Variants in NID1 observed in about 807,000 individuals in gnomAD.
The protein encoded by NID1 is nidogen 1, also known as nidogen-1.
Under a neutral mutation model 130.6 loss-of-function variants are expected in NID1, and 76 were observed. That is an observed-to-expected ratio of 0.58 (90% CI 0.48 to 0.70). The LOEUF (loss-of-function observed/expected upper bound fraction) is 0.70, where lower values mean the gene tolerates loss of function less well. NID1 is among the 30% of genes least tolerant of loss of function. The pLI is 0.00. For missense variants in NID1, 1,517 were observed against 1,664.8 expected, an observed-to-expected ratio of 0.91 and a Z score of 1.54; for synonymous variants, 665 against 675.1, an observed-to-expected ratio of 0.98 and a Z score of 0.23.
chr1:236,028,931 C>G (rs1277215203), intron 7 of NID1, among the ~76,000 whole-genome samples: 1 of 152,106 alleles, frequency 6.6e-6, no homozygotes, highest in Non-Finnish European at 1.5e-5. Flanking sequence ...AATCCCAGCA[C>G]TTAGGGAGGC....
At chr1:236,049,873 A>G (rs566382548) in intron 1 of NID1, among the ~76,000 whole-genome samples, 205 of 151,726 alleles carry the variant, frequency 1.4e-3, no homozygotes, top group African/African-American at 4.9e-3. Flanking sequence ...CACCATCTCT[A>G]CTAAAAATTC....
chr1:236,038,132 C>T lies in NID1; in HGVS notation c.1257G>A (p.Thr419=), dbSNP rs372840795. Residue 419 remains threonine (T), a synonymous_variant, in exon 5 of 20, where the codon ACG becomes ACA. Transcript: ENST00000264187. The part of the protein sequence containing the change: ...GFCCSCVAGY[T]GNGRQCVAEG... Reference sequence around the variant, plus strand: ...CTGCAACACATTGCCTGCCATTGCCCGTATAGCCAGCGACACAGCTGCAGC... The same window carrying T: ...CTGCAACACATTGCCTGCCATTGCCTGTATAGCCAGCGACACAGCTGCAGC... 1.1e-5 allele frequency: 17 copies of T among 1,606,174 alleles called. No homozygotes were observed. The East Asian group carries it at 1.3e-4, about 13-fold the overall frequency.
At chr1:236,007,252 T>C (rs886119703) in intron 12 of NID1, among the ~76,000 whole-genome samples, 3 of 152,206 alleles carry the variant, frequency 2.0e-5, no homozygotes, top group Admixed American at 6.5e-5. Context: ...CAGGGTGTTC[T>C]TAAACTCCTG....
In NID1 at chr1:235,979,496, C is replaced by T. The variant is rs552739420; in HGVS notation, c.3509+326G>A. On this transcript the variant is annotated intron_variant, in intron 18 of 19. Coordinates refer to ENST00000264187, the MANE Select transcript of NID1 (RefSeq NM_002508.3). The surrounding 1 kb of genome is among the most constrained non-coding windows in gnomAD (Gnocchi z 4.6). ...GACATGAAGTGGACATGGAGCCCAC[C>T]GGCCACGTGACCCTGGGCCAACTCC... 2.6e-4 allele frequency among the ~76,000 whole-genome samples: 40 copies of T among 152,278 alleles called. No homozygotes were observed. Among genetic ancestry groups the T allele is most frequent in the African/African-American group, 8.4e-4 (35 of 41,564 alleles).
rs1307701187 is a variant in NID1 at position 236,048,073 on chromosome 1, C to A, written c.525+617G>T. Reference sequence around the variant, plus strand: ...AAAAGGCCGGGCATGGTGGCTCACGCCTGTAATCCCAGCACTTTGGGAGGC... The same window carrying A: ...AAAAGGCCGGGCATGGTGGCTCACGACTGTAATCCCAGCACTTTGGGAGGC... On this transcript the variant is annotated intron_variant, in intron 2 of 19. Coordinates refer to ENST00000264187, the MANE Select transcript of NID1 (RefSeq NM_002508.3). Among the ~76,000 whole-genome samples the A allele has an allele frequency of 2.1e-5, 3 of 140,036 alleles. No homozygotes were observed. The Admixed American group carries it at 2.2e-4, about 10-fold the overall frequency. The allele number at this position is 140,036 out of a possible 152,430, so 91.9% of individuals were successfully genotyped here.
chr1:236,001,358 G>A (rs898972525), intron 12 of NID1, among the ~76,000 whole-genome samples: 6 of 152,076 alleles, frequency 3.9e-5, no homozygotes, highest in Non-Finnish European at 7.4e-5. Context: ...ACCCGCCTCG[G>A]CCTCCCAAAG....
At chr1:236,059,650 G>C (rs1257529520) in intron 1 of NID1, among the ~76,000 whole-genome samples, 2 of 152,122 alleles carry the variant, frequency 1.3e-5, no homozygotes, top group South Asian at 2.1e-4. Flanking sequence ...AATAGAAATA[G>C]AAACAAAAGG....
At chr1:236,026,668 C>G (rs938054959) in intron 7 of NID1, among the ~76,000 whole-genome samples, 8 of 152,102 alleles carry the variant, frequency 5.3e-5, no homozygotes, top group Non-Finnish European at 1.2e-4. Context: ...AGCATTTACT[C>G]TGTCACAACG....
intron 9 of NID1, among the ~76,000 whole-genome samples, chr1:236,020,558 G>A (rs527254790): frequency 6.6e-6 from 1 of 152,266 alleles, no homozygotes; most frequent in East Asian, 1.9e-4. Context: ...CCAAATTACT[G>A]TGGAGAGTCA....
At chr1:236,039,900 G>A (rs1572613510) in intron 4 of NID1, among the ~76,000 whole-genome samples, 1 of 152,132 alleles carries the variant, frequency 6.6e-6, no homozygotes, top group East Asian at 1.9e-4. Flanking sequence ...GTGTACATGT[G>A]AACTATTCAA....
chr1:236,019,690 G>A (rs1285926374), intron 9 of NID1, among the ~76,000 whole-genome samples: 20 of 152,150 alleles, frequency 1.3e-4, no homozygotes, highest in Admixed American at 1.3e-3. Context: ...AGCAATTTCT[G>A]AGCTAATAGT....
At chr1:236,024,773 T>C (rs563074280) in intron 8 of NID1, among the ~76,000 whole-genome samples, 7 of 152,242 alleles carry the variant, frequency 4.6e-5, no homozygotes, top group South Asian at 2.1e-4. Flanking sequence ...TATGGACAAA[T>C]GTGAAGTCTG....
chr1:236,039,218 A>T (rs901339461), intron 4 of NID1, among the ~76,000 whole-genome samples: 3 of 147,296 alleles, frequency 2.0e-5, no homozygotes, highest in Non-Finnish European at 4.5e-5. Context: ...TATACTACAT[A>T]TAATTATATG....
chr1:236,060,145 G>A (rs2102853638), intron 1 of NID1, among the ~76,000 whole-genome samples: 1 of 150,982 alleles, frequency 6.6e-6, no homozygotes, highest in East Asian at 1.9e-4. Context: ...AGACAGAGCA[G>A]CCCCAAGGGC....
Position 235,985,754 on chromosome 1 carries a change from G to GTA in NID1, c.2929-251_2929-250dup, listed in dbSNP as rs143128887. ...TGTGTGTGTGTGTGTGTGTGTGTGTGTATATATATGCATAAATATGTATTT... is the reference window on the plus strand; with the variant it reads ...TGTGTGTGTGTGTGTGTGTGTGTGTGTATATATATATGCATAAATATGTATTT... On this transcript the variant is annotated intron_variant, in intron 14 of 19. Coordinates refer to ENST00000264187, the MANE Select transcript of NID1 (RefSeq NM_002508.3). 0.22 allele frequency among the ~76,000 whole-genome samples: 33,378 copies of GTA among 149,168 alleles called. 4,266 individuals are homozygous for GTA. Among genetic ancestry groups the GTA allele is most frequent in the East Asian group, 0.59 (3,038 of 5,128 alleles).
intron 1 of NID1, among the ~76,000 whole-genome samples, chr1:236,050,138 T>C (rs146620567): frequency 6.6e-6 from 1 of 152,202 alleles, no homozygotes; most frequent in Admixed American, 6.5e-5. Context: ...TACCAAGGAA[T>C]AAGTGGCAAC....
intron 12 of NID1, among the ~76,000 whole-genome samples, chr1:236,007,993 C>A (rs1290011059): frequency 2.0e-5 from 3 of 152,180 alleles, no homozygotes; most frequent in Admixed American, 6.5e-5. Context: ...TACACCAGCC[C>A]ATGCACACTT....
At chr1:236,030,928 A>G (rs1031585396) in intron 6 of NID1, among the ~76,000 whole-genome samples, 13 of 152,226 alleles carry the variant, frequency 8.5e-5, no homozygotes, top group Non-Finnish European at 1.8e-4. Flanking sequence ...AAAGCTGTGC[A>G]GGGAAGGAGT....
intron 12 of NID1, among the ~76,000 whole-genome samples, chr1:236,002,490 G>A (rs1005119851): frequency 6.7e-6 from 1 of 149,996 alleles, no homozygotes; most frequent in African/African-American, 2.5e-5. Context: ...GCAACAGAGC[G>A]AGACTCTGTC....
Sources: allele counts gnomAD v4.1 joint callset (sites outside exome capture counted in the v4.1 genomes callset), GRCh38; gene constraint gnomAD v4.1.1; non-coding constraint Gnocchi (gnomAD v3.1); transcripts MANE v1.5; gene names NCBI Gene and HGNC (gene_info 2026-07-23, HGNC 2026-07-21).